The following SEMA6D variants were observed in gnomAD, a reference collection of about 807,000 sequenced individuals.
The protein encoded by SEMA6D is semaphorin 6D.
A neutral mutation model predicts 106.6 loss-of-function variants in SEMA6D; 35 were observed. The ratio of observed to expected loss-of-function variants is 0.33; its 90% CI spans 0.25 to 0.44. The LOEUF is 0.44. Ranked by LOEUF, SEMA6D falls within the 20% of genes least tolerant of loss-of-function variation. The pLI is 1.00. For synonymous variants in SEMA6D, 499 were observed against 487.7 expected, an observed-to-expected ratio of 1.02 and a Z score of -0.31; for missense variants, 1,185 against 1,345.9, an observed-to-expected ratio of 0.88 and a Z score of 1.87.
chr15:47,569,228 T>C (rs1228670035), intron 3 of SEMA6D, among the ~76,000 whole-genome samples: 1 of 152,106 alleles, frequency 6.6e-6, no homozygotes, highest in Non-Finnish European at 1.5e-5. Context: ...TTTTCAAAAT[T>C]AAATTAAATG....
intron 2 of SEMA6D, among the ~76,000 whole-genome samples, chr15:47,421,769 G>A: frequency 6.6e-6 from 1 of 152,066 alleles, no homozygotes; most frequent in East Asian, 1.9e-4. Context: ...AGGTTGAAGG[G>A]AAAGATGAGA....
intron 1 of SEMA6D, among the ~76,000 whole-genome samples, chr15:47,756,376 G>A (rs2081740505): frequency 6.6e-6 from 1 of 151,978 alleles, no homozygotes; most frequent in Non-Finnish European, 1.5e-5. Context: ...GACGTAACCA[G>A]AATAGACATG....
chr15:47,216,397 C>T (rs2141291278), intron 1 of SEMA6D, among the ~76,000 whole-genome samples: 1 of 152,202 alleles, frequency 6.6e-6, no homozygotes, highest in South Asian at 2.1e-4. Context: ...AGCCGTTTGC[C>T]AATGTATCCC....
chr15:47,298,241 C>T (rs1196522074), intron 1 of SEMA6D, among the ~76,000 whole-genome samples: 2 of 152,142 alleles, frequency 1.3e-5, no homozygotes, highest in Non-Finnish European at 2.9e-5. Context: ...CCTGCCATCT[C>T]CTAGCCCTGT....
intron 1 of SEMA6D, among the ~76,000 whole-genome samples, chr15:47,741,126 CCT>C (rs2080786224): frequency 6.6e-6 from 1 of 152,112 alleles, no homozygotes. Context: ...TTCTTAAGTT[CCT>C]CTTTCTCCTC....
chr15:47,474,062 C>A (rs1350996996), intron 3 of SEMA6D, among the ~76,000 whole-genome samples: 1 of 152,168 alleles, frequency 6.6e-6, no homozygotes. Context: ...GAGAAGGAGG[C>A]TTAATTCCTA....
At chr15:47,385,715 A>G (rs191813186) in intron 1 of SEMA6D, among the ~76,000 whole-genome samples, 30 of 152,332 alleles carry the variant, frequency 2.0e-4, no homozygotes, top group African/African-American at 6.3e-4. Context: ...CAAGAATTAT[A>G]TAATAAATTT....
At chr15:47,450,820 C>G (rs968578251) in intron 2 of SEMA6D, among the ~76,000 whole-genome samples, 6 of 151,962 alleles carry the variant, frequency 3.9e-5, no homozygotes, top group African/African-American at 1.2e-4. Flanking sequence ...TGGCATTCAG[C>G]CATTGTTACT....
At chr15:47,187,929 C>T (rs1893688273) in intron 1 of SEMA6D, among the ~76,000 whole-genome samples, 1 of 152,066 alleles carries the variant, frequency 6.6e-6, no homozygotes, top group African/African-American at 2.4e-5. Context: ...TTGTCTTTGA[C>T]CTTTAAAAGT....
At chr15:47,348,935 A>C (rs1344419896) in intron 1 of SEMA6D, among the ~76,000 whole-genome samples, 1 of 152,052 alleles carries the variant, frequency 6.6e-6, no homozygotes, top group South Asian at 2.1e-4. Flanking sequence ...CAGAAATTAG[A>C]TCCCTTCTGT....
At chr15:47,419,184 G>A (rs1312125712) in intron 2 of SEMA6D, among the ~76,000 whole-genome samples, 1 of 152,036 alleles carries the variant, frequency 6.6e-6, no homozygotes, top group Non-Finnish European at 1.5e-5. Context: ...AAAAATAAGA[G>A]ATCATGATCA....
intron 1 of SEMA6D, among the ~76,000 whole-genome samples, chr15:47,756,239 G>A (rs2081726534): frequency 6.6e-6 from 1 of 152,084 alleles, no homozygotes; most frequent in African/African-American, 2.4e-5. Context: ...ATCTGTGAAG[G>A]TGTGCCTTAT....
At chr15:47,340,685 G>A (rs1384624888) in intron 1 of SEMA6D, among the ~76,000 whole-genome samples, 3 of 152,172 alleles carry the variant, frequency 2.0e-5, no homozygotes, top group African/African-American at 7.2e-5. Context: ...CGTGAGATTG[G>A]GGAGTGAAAT....
At chr15:47,284,752 G>T (rs908455937) in intron 1 of SEMA6D, among the ~76,000 whole-genome samples, 6 of 152,122 alleles carry the variant, frequency 3.9e-5, no homozygotes, top group African/African-American at 1.4e-4. Flanking sequence ...ATGGGACAAG[G>T]TTTCTTAAAG....
At chr15:47,335,047 G>A (rs1292628623) in intron 1 of SEMA6D, among the ~76,000 whole-genome samples, 2 of 152,088 alleles carry the variant, frequency 1.3e-5, no homozygotes, top group Non-Finnish European at 2.9e-5. Context: ...TACCCACAAA[G>A]GCGAAAATTA....
At chr15:47,336,388 G>C (rs968252508) in intron 1 of SEMA6D, among the ~76,000 whole-genome samples, 1 of 152,142 alleles carries the variant, frequency 6.6e-6, no homozygotes, top group Non-Finnish European at 1.5e-5. Context: ...CTGGAGTGCT[G>C]GTAGGGACAA....
At chr15:47,386,307 G>T (rs142026530) in intron 1 of SEMA6D, among the ~76,000 whole-genome samples, 1 of 152,254 alleles carries the variant, frequency 6.6e-6, no homozygotes, top group African/African-American at 2.4e-5. Flanking sequence ...CATGGGGAAG[G>T]TCTGAAGGGT....
chr15:47,672,429 C>G (rs568010305), intron 4 of SEMA6D, among the ~76,000 whole-genome samples: 1 of 152,142 alleles, frequency 6.6e-6, no homozygotes, highest in South Asian at 2.1e-4. Flanking sequence ...AAGAAAAAGC[C>G]GAAGTTATAC....
At chr15:47,660,665 A>G (rs1252476362) in intron 4 of SEMA6D, among the ~76,000 whole-genome samples, 2 of 152,296 alleles carry the variant, frequency 1.3e-5, no homozygotes, top group South Asian at 2.1e-4. Context: ...TACTATATGC[A>G]TGCATTACTT....
Sources: allele counts gnomAD v4.1 joint callset (sites outside exome capture counted in the v4.1 genomes callset), GRCh38; gene constraint gnomAD v4.1.1; transcripts MANE v1.5; gene names NCBI Gene and HGNC (gene_info 2026-07-23, HGNC 2026-07-21).